Variants in CD72 observed in about 807,000 individuals in gnomAD.
CD72 encodes B-cell differentiation antigen CD72.
In CD72, 28 loss-of-function variants were observed where a neutral mutation model predicts 50.7. That is an observed-to-expected ratio of 0.55 (90% CI 0.41 to 0.76). CD72 has a LOEUF of 0.76. Among genes scored for constraint, CD72 ranks in the 30% least tolerant of loss-of-function variants. CD72 has a pLI of 0.00. For missense variants in CD72, 403 were observed against 420.6 expected (o/e 0.96, Z 0.37); for synonymous variants, 176 against 171.2 (o/e 1.03, Z -0.22).
upstream of CD72, among the ~76,000 whole-genome samples, chr9:35,622,792 A>AAATAATAAT (rs768466813): frequency 6.6e-6 from 1 of 150,742 alleles, no homozygotes; most frequent in Non-Finnish European, 1.5e-5. Context: ...GTCTCAAAAA[A>AAATAATAAT]AATAATAATA....
At chr9:35,638,018 C>T (rs1823307247) in intron 1 of CD72, among the ~76,000 whole-genome samples, 1 of 152,162 alleles carries the variant, frequency 6.6e-6, no homozygotes, top group African/African-American at 2.4e-5. Flanking sequence ...TCTGCAATAC[C>T]ACTTGGCCCC....
intron 7 of CD72, among the ~76,000 whole-genome samples, chr9:35,611,216 A>C (rs1355218442): frequency 6.6e-6 from 1 of 151,184 alleles, no homozygotes. Flanking sequence ...GCACCACTGC[A>C]CTCCAGTCTG....
chr9:35,630,103 G>A (rs550674204), intron 1 of CD72, among the ~76,000 whole-genome samples: 3 of 148,916 alleles, frequency 2.0e-5, no homozygotes, highest in African/African-American at 2.5e-5. Context: ...GCAGCCGCGC[G>A]TCTCAGCTCA....
chr9:35,612,861 A>G lies in CD72; in HGVS notation c.821T>C (p.Ile274Thr), dbSNP rs756247375. The change falls in exon 6 of 9, where the codon ATT becomes ACT. Residue 274 changes from isoleucine (I) to threonine (T), a missense_variant. Ile to Thr is a moderately conservative substitution (Grantham distance 89). Coordinates refer to ENST00000259633, the MANE Select transcript of CD72 (RefSeq NM_001782.3). ...LSSKLATFSE[I>T]YPQSHSYYFL... ...GGATATGCTTACTGATTGTGGATAA[A>G]TTTCACTGAATGTGGCCAGCTTGGA... 8 of 1,614,170 alleles carry G rather than the reference A, an allele frequency of 5.0e-6. No homozygotes were observed. Among genetic ancestry groups the G allele is most frequent in the South Asian group, 4.4e-5 (4 of 91,086 alleles).
intron 1 of CD72, among the ~76,000 whole-genome samples, chr9:35,635,267 A>C (rs761079936): frequency 1.3e-5 from 2 of 152,124 alleles, no homozygotes; most frequent in Non-Finnish European, 2.9e-5. Flanking sequence ...AATTTCATCT[A>C]TTATTTAATT....
intron 1 of CD72, among the ~76,000 whole-genome samples, chr9:35,629,161 G>T (rs1823221488): frequency 6.6e-6 from 1 of 152,100 alleles, no homozygotes. Context: ...ACAGACATGA[G>T]CCACTGCGCC....
chr9:35,625,284 C>A (rs780193870), intron 1 of CD72, among the ~76,000 whole-genome samples: 66 of 152,190 alleles, frequency 4.3e-4, no homozygotes, highest in Admixed American at 1.7e-3. Context: ...ATATGGAGAG[C>A]GTTTGAGTGG....
intron 1 of CD72, among the ~76,000 whole-genome samples, chr9:35,629,304 TC>T (rs34128881): frequency 6.6e-6 from 1 of 152,040 alleles, no homozygotes; most frequent in South Asian, 2.1e-4. Context: ...TATTTTTCTA[TC>T]CCCCCAGAAT....
chr9:35,614,780 C>T lies in CD72; in HGVS notation c.688+1163G>A, dbSNP rs193116413. 9.2e-4 allele frequency among the ~76,000 whole-genome samples: 140 copies of T among 152,130 alleles called. 1 individual carries two copies. Among genetic ancestry groups the T allele is most frequent in the African/African-American group, 3.2e-3 (134 of 41,508 alleles). ...CTTTGGGAGGCTGAGGCAGGAGGAT[C>T]GCTTGAGTCCAGGAGTTCGATACCG... On this transcript the variant is annotated intron_variant, in intron 5 of 8. Transcript: ENST00000259633.
intron 5 of CD72, among the ~76,000 whole-genome samples, 185 bp from the exon 6 acceptor site, chr9:35,613,178 T>C (rs1207895922): frequency 6.6e-6 from 1 of 152,228 alleles, no homozygotes; most frequent in Non-Finnish European, 1.5e-5. Context: ...AAAAAGACTT[T>C]AACATTCAAC....
intron 3 of CD72, 52 bp downstream of exon 3, chr9:35,617,124 G>C: frequency 1.9e-6 from 3 of 1,548,030 alleles, no homozygotes; most frequent in Middle Eastern, 1.8e-4. Flanking sequence ...ATCCGCAGCC[G>C]GGACAGGCGC....
chr9:35,616,705 G>C lies in CD72; in HGVS notation c.263-16C>G. 1 of 1,597,806 alleles carries C rather than the reference G, an allele frequency of 6.3e-7. No individual in the cohort carries two copies. Among genetic ancestry groups the C allele is most frequent in the Non-Finnish European group, 8.6e-7 (1 of 1,166,408 alleles). On this transcript the variant is annotated splice_polypyrimidine_tract_variant and intron_variant, in intron 3 of 8. Transcript: ENST00000259633. ...GTTGTGCGGCCTTAGGGGGACAGTG[G>C]GATGGATGAGGGCAGTCAGCCCCCG...
intron 3 of CD72, 112 bp from the exon 4 acceptor site, chr9:35,616,801 C>A: frequency 9.6e-7 from 1 of 1,038,988 alleles, no homozygotes; most frequent in Non-Finnish European, 1.5e-6. Context: ...AAGAGGAGGG[C>A]GGTGCAGAGC....
Position 35,611,828 on chromosome 9 carries a change from A to C in CD72, c.926T>G (p.Leu309Trp). 6.2e-7 allele frequency: 1 copy of C among 1,607,736 alleles called. No individual in the cohort carries two copies. The highest frequency in any genetic ancestry group is 8.5e-7 in the Non-Finnish European group (1 of 1,174,148). The change falls in exon 7 of 9, where the codon TTG becomes TGG. Residue 309 changes from leucine to tryptophan, a missense_variant. Coordinates refer to ENST00000259633, the MANE Select transcript of CD72 (RefSeq NM_001782.3). Reference sequence around the variant, plus strand: ...CCTAGTGCGTTGTGTATCATCAGTCAACTTCCAATCCTTGTTAGAGCTGAG... The same window carrying C: ...CCTAGTGCGTTGTGTATCATCAGTCCACTTCCAATCCTTGTTAGAGCTGAG... ...TGLSSNKDWKLTDDTQRTRTY... is the reference protein window; with the variant it reads ...TGLSSNKDWKWTDDTQRTRTY...
chr9:35,611,697 T>A, intron 7 of CD72, 107 bp downstream of exon 7: 1 of 653,512 alleles, frequency 1.5e-6, no homozygotes, highest in Non-Finnish European at 2.8e-6. Context: ...ACAGTGTTGA[T>A]TTATGGGAGA....
chr9:35,616,409 C>G lies in CD72; in HGVS notation c.353-131G>C, dbSNP rs1038198457. On this transcript the variant is annotated intron_variant, in intron 4 of 8. Transcript: ENST00000259633. The stretch of plus-strand genomic sequence containing the variant: ...AGGCTGAAATACAAGATTTGACTGA[C>G]TAAAGCGTAAGGAGGTACTGGATTA... 4.5e-5 allele frequency: 39 copies of G among 866,428 alleles called. No individual in the cohort carries two copies. Among genetic ancestry groups the G allele is most frequent in the Non-Finnish European group, 6.7e-5 (37 of 549,676 alleles). 53.7% of individuals were successfully genotyped at this position (866,428 alleles called of 1,614,324 possible).
intron 1 of CD72, among the ~76,000 whole-genome samples, chr9:35,635,193 G>A (rs1431951367): frequency 1.3e-5 from 2 of 152,106 alleles, no homozygotes; most frequent in African/African-American, 4.8e-5. Flanking sequence ...TTGCCTATAT[G>A]TAGCTGAGTG....
chr9:35,610,902 TC>T lies in CD72; in HGVS notation c.951-150del, dbSNP rs1696928903. 1.1e-5 allele frequency: 6 copies of T among 558,812 alleles called. No individual in the cohort carries two copies. In the East Asian group the frequency reaches 1.8e-4, roughly 17 times the overall value. 34.6% of individuals were successfully genotyped at this position (558,812 alleles called of 1,614,324 possible). ...ATGGTTCAGGACAGATGTCTGGAGTTCAACTAAAACAGACTTTAGAACCAGC... is the reference window on the plus strand; with the variant it reads ...ATGGTTCAGGACAGATGTCTGGAGTTAACTAAAACAGACTTTAGAACCAGC... On this transcript the variant is annotated intron_variant, in intron 7 of 8. Coordinates refer to ENST00000259633, the MANE Select transcript of CD72 (RefSeq NM_001782.3).
rs918106710 is a variant in CD72, at chr9:35,617,160, G to T, written c.262+16C>A. Reference sequence around the variant, plus strand: ...GAGCACTTGGCCCCGCGGCTGCCCCGCACAGGCACACTCACAGGGGAGAAT... The same window carrying T: ...GAGCACTTGGCCCCGCGGCTGCCCCTCACAGGCACACTCACAGGGGAGAAT... On this transcript the variant is annotated intron_variant, in intron 3 of 8. Coordinates refer to ENST00000259633, the MANE Select transcript of CD72 (RefSeq NM_001782.3). The T allele has an allele frequency of 9.0e-6, 14 of 1,556,370 alleles. No homozygotes were observed. The South Asian group carries it at 1.5e-4, about 17-fold the overall frequency.
Sources: allele counts gnomAD v4.1 joint callset (sites outside exome capture counted in the v4.1 genomes callset), GRCh38; gene constraint gnomAD v4.1.1; transcripts MANE v1.5; gene names NCBI Gene and HGNC (gene_info 2026-07-23, HGNC 2026-07-21).